CTNNA2: variants seen among roughly 807,000 people sequenced by gnomAD.
The protein encoded by CTNNA2 is catenin alpha 2.
A neutral mutation model predicts 101.0 loss-of-function variants in CTNNA2; 42 were observed. The ratio of observed to expected loss-of-function variants is 0.42; its 90% CI spans 0.32 to 0.54. The LOEUF (loss-of-function observed/expected upper bound fraction) is 0.54, where lower values mean the gene tolerates loss of function less well. Among genes scored for constraint, CTNNA2 ranks in the 20% least tolerant of loss-of-function variants. The pLI, the probability that CTNNA2 is intolerant of heterozygous loss-of-function variation, is 0.14. For missense variants in CTNNA2, 871 were observed against 1,223.1 expected, an observed-to-expected ratio of 0.71 and a Z score of 4.29; for synonymous variants, 450 against 456.4, an observed-to-expected ratio of 0.99 and a Z score of 0.18.
intron 3 of CTNNA2, among the ~76,000 whole-genome samples, chr2:79,334,680 T>C (rs541991425): frequency 6.6e-6 from 1 of 152,226 alleles, no homozygotes; most frequent in African/African-American, 2.4e-5. Context: ...TGTGGTTATA[T>C]GTTTCATAGA....
intron 8 of CTNNA2, among the ~76,000 whole-genome samples, chr2:80,411,219 T>C (rs1679539503): frequency 6.6e-6 from 1 of 152,224 alleles, no homozygotes; most frequent in African/African-American, 2.4e-5. Context: ...ATGGTTACAT[T>C]AGAGCAAGTA....
intron 6 of CTNNA2, among the ~76,000 whole-genome samples, chr2:79,880,726 A>G (rs1363402247): frequency 6.6e-6 from 1 of 151,440 alleles, no homozygotes; most frequent in Non-Finnish European, 1.5e-5. Context: ...TTATTGGTCT[A>G]GTTAGTGGTT....
At chr2:80,633,558 G>C (rs3821073) in intron 18 of CTNNA2, among the ~76,000 whole-genome samples, 3 of 152,112 alleles carry the variant, frequency 2.0e-5, no homozygotes, top group African/African-American at 7.2e-5. Context: ...GGCATCAATA[G>C]CCAGGAATAA....
intron 4 of CTNNA2, among the ~76,000 whole-genome samples, chr2:79,443,287 G>A (rs1360994802): frequency 6.6e-6 from 1 of 152,146 alleles, no homozygotes; most frequent in African/African-American, 2.4e-5. Flanking sequence ...AGTCTATGGT[G>A]TGAGTCCTAG....
intron 1 of CTNNA2, among the ~76,000 whole-genome samples, chr2:79,580,886 A>G (rs536700970): frequency 6.6e-6 from 1 of 152,300 alleles, no homozygotes; most frequent in Non-Finnish European, 1.5e-5. Flanking sequence ...AGAAACCTCA[A>G]TTCAAGTCAA....
At chr2:79,903,468 C>G (rs994348116) in intron 6 of CTNNA2, among the ~76,000 whole-genome samples, 1 of 152,076 alleles carries the variant, frequency 6.6e-6, no homozygotes, top group Non-Finnish European at 1.5e-5. Flanking sequence ...GGGGTGTTCT[C>G]AAATTGAAAA....
chr2:79,899,364 C>T lies in CTNNA2; in HGVS notation c.853-10230C>T, dbSNP rs548074699. ...CCTTGTCGGAGCTAGAGAATGTGCT[C>T]CTGAAATGCCATAGCAACTCAGCAA... On this transcript the variant is annotated intron_variant, in intron 6 of 18. Coordinates refer to ENST00000402739, the MANE Select transcript of CTNNA2 (RefSeq NM_001282597.3). Among the ~76,000 whole-genome samples the T allele has an allele frequency of 2.0e-5, 3 of 152,134 alleles. No individual in the cohort carries two copies. The East Asian group carries it at 5.8e-4, about 29-fold the overall frequency.
intron 7 of CTNNA2, among the ~76,000 whole-genome samples, chr2:80,088,943 T>C (rs1186183185): frequency 6.6e-6 from 1 of 151,902 alleles, no homozygotes; most frequent in Non-Finnish European, 1.5e-5. Flanking sequence ...GCTTGGAAAT[T>C]TATAATAGAC....
At chr2:80,044,382 T>TA (rs35891067) in intron 7 of CTNNA2, among the ~76,000 whole-genome samples, 127,623 of 151,536 alleles carry the variant, frequency 0.84, 53,887 homozygotes, top group East Asian at 0.98. Flanking sequence ...GCCACATTTG[T>TA]AAAAAAAAAT....
At chr2:80,397,192 A>T (rs909324347) in intron 8 of CTNNA2, among the ~76,000 whole-genome samples, 4 of 152,330 alleles carry the variant, frequency 2.6e-5, no homozygotes, top group South Asian at 2.1e-4. Flanking sequence ...GAAGGTGAAC[A>T]GTTACCATGG....
Position 79,303,323 on chromosome 2 carries a change from A to G in CTNNA2, c.-405-9386A>G, listed in dbSNP as rs569101702. ...GCTATCCCAGGGACACCCCGAAACAATCTCTCCAGGTTCCTCTGACTCCAG... is the reference window on the plus strand; with the variant it reads ...GCTATCCCAGGGACACCCCGAAACAGTCTCTCCAGGTTCCTCTGACTCCAG... On this transcript the variant is annotated intron_variant, in intron 2 of 21. Transcript: ENST00000466387. Among the ~76,000 whole-genome samples, 11 of 152,146 alleles carry G rather than the reference A, an allele frequency of 7.2e-5. No individual in the cohort carries two copies. In the South Asian group the frequency reaches 1.7e-3, roughly 23 times the overall value.
chr2:80,606,020 G>T (rs1270623432), intron 16 of CTNNA2, among the ~76,000 whole-genome samples: 1 of 151,728 alleles, frequency 6.6e-6, no homozygotes, highest in Non-Finnish European at 1.5e-5. Context: ...AAGAGACAAT[G>T]AATTTACTTG....
intron 2 of CTNNA2, among the ~76,000 whole-genome samples, chr2:79,737,871 A>G (rs1053353789): frequency 6.6e-6 from 1 of 152,216 alleles, no homozygotes; most frequent in Non-Finnish European, 1.5e-5. Flanking sequence ...GGAGTTTCCA[A>G]GACAAAGTGC....
At chr2:79,655,641 G>A (rs1426141880) in intron 2 of CTNNA2, among the ~76,000 whole-genome samples, 5 of 151,820 alleles carry the variant, frequency 3.3e-5, no homozygotes, top group African/African-American at 9.7e-5. Flanking sequence ...TTAGCCTGGC[G>A]AACATGGCAA....
At position 79,442,868 on chromosome 2, in the gene CTNNA2, A is replaced by G. The variant is rs576573876; in HGVS notation, c.-134-62186A>G. ...TACTGTCAGGGCTTGGCCTTCCTGC[A>G]GTACTCCCTGGTTACCTCTCACAGA... On this transcript the variant is annotated intron_variant, in intron 4 of 21. Coordinates refer to the CTNNA2 transcript ENST00000466387. Among the ~76,000 whole-genome samples the G allele has an allele frequency of 3.3e-5, 5 of 152,224 alleles. No individual in the cohort carries two copies. In the East Asian group the frequency reaches 7.8e-4, roughly 24 times the overall value.
At chr2:80,032,776 TATGGCCTGTATGAAGAAAC>T (rs1695373212) in intron 7 of CTNNA2, among the ~76,000 whole-genome samples, 1 of 152,192 alleles carries the variant, frequency 6.6e-6, no homozygotes, top group Admixed American at 6.5e-5. Context: ...TTGTTTTATG[TATGGCCTGTATGAAGAAAC>T]ATTCCACCAT....
intron 2 of CTNNA2, among the ~76,000 whole-genome samples, chr2:79,296,407 A>G (rs1675980561): frequency 1.3e-5 from 2 of 152,224 alleles, no homozygotes; most frequent in Non-Finnish European, 2.9e-5. Flanking sequence ...AAAAGTCATG[A>G]AAAAGTTTCT....
chr2:80,158,224 C>G (rs1469301897), intron 7 of CTNNA2, among the ~76,000 whole-genome samples: 1 of 152,160 alleles, frequency 6.6e-6, no homozygotes, highest in African/African-American at 2.4e-5. Flanking sequence ...CTCTGTCCAT[C>G]AATCTTCTGG....
intron 5 of CTNNA2, among the ~76,000 whole-genome samples, chr2:79,873,293 G>T (rs1682731554): frequency 6.6e-6 from 1 of 152,054 alleles, no homozygotes; most frequent in South Asian, 2.1e-4. Context: ...TGGTGGCTTG[G>T]TTTTTATATT....
Sources: gnomAD v4.1 joint callset for allele counts (sites outside exome capture counted in the v4.1 genomes callset) on GRCh38, gnomAD v4.1.1 for gene constraint, MANE v1.5 for transcripts, NCBI Gene and HGNC (gene_info 2026-07-23, HGNC 2026-07-21) for gene names.